NKAIN2: variants seen among roughly 807,000 people sequenced by gnomAD.
The protein encoded by NKAIN2 is sodium/potassium transporting ATPase interacting 2.
Under a neutral mutation model 32.6 loss-of-function variants are expected in NKAIN2, and 14 were observed. That is an observed-to-expected ratio of 0.43 (90% CI 0.28 to 0.67). The LOEUF (loss-of-function observed/expected upper bound fraction) is 0.67, where lower values mean the gene tolerates loss of function less well. NKAIN2 is among the 30% of genes least tolerant of loss of function. The pLI is 0.17. For synonymous variants in NKAIN2, 80 were observed against 87.2 expected (o/e 0.92, Z 0.46); for missense variants, 198 against 258.3 (o/e 0.77, Z 1.60).
At chr6:123,873,698 AG>A (rs775111397) in intron 1 of NKAIN2, among the ~76,000 whole-genome samples, 8 of 152,188 alleles carry the variant, frequency 5.3e-5, no homozygotes, top group Non-Finnish European at 1.2e-4. Flanking sequence ...AGAATAGATA[AG>A]GGACTGAGGA....
At chr6:124,811,330 G>T (rs1197551414) in intron 5 of NKAIN2, among the ~76,000 whole-genome samples, 2 of 152,108 alleles carry the variant, frequency 1.3e-5, no homozygotes, top group Non-Finnish European at 2.9e-5. Context: ...TTGACTAGTG[G>T]CTTTGTCATT....
chr6:124,775,256 G>A (rs1334959282), intron 4 of NKAIN2, among the ~76,000 whole-genome samples: 1 of 152,200 alleles, frequency 6.6e-6, no homozygotes, highest in African/African-American at 2.4e-5. Flanking sequence ...GTGGAACTCA[G>A]AAGTGAGTTT....
intron 1 of NKAIN2, among the ~76,000 whole-genome samples, chr6:124,097,524 T>A (rs1220434286): frequency 6.6e-6 from 1 of 152,242 alleles, no homozygotes; most frequent in Non-Finnish European, 1.5e-5. Flanking sequence ...AAGAGTAGCC[T>A]GTCATTTTGC....
At chr6:124,358,018 A>T (rs1224718207) in intron 3 of NKAIN2, among the ~76,000 whole-genome samples, 1 of 152,156 alleles carries the variant, frequency 6.6e-6, no homozygotes, top group Non-Finnish European at 1.5e-5. Context: ...GAGTGAGAAC[A>T]TGCGGTGTTT....
intron 1 of NKAIN2, among the ~76,000 whole-genome samples, chr6:124,231,460 G>A (rs1437437148): frequency 1.3e-5 from 2 of 152,096 alleles, no homozygotes; most frequent in African/African-American, 2.4e-5. Flanking sequence ...GACCTGGGGT[G>A]GAATTATATG....
At chr6:124,005,762 T>C (rs1221698381) in intron 1 of NKAIN2, among the ~76,000 whole-genome samples, 1 of 152,226 alleles carries the variant, frequency 6.6e-6, no homozygotes, top group East Asian at 1.9e-4. Flanking sequence ...CTGGTATGGT[T>C]ATATCAGGGT....
At chr6:123,906,283 C>A (rs1002359694) in intron 1 of NKAIN2, among the ~76,000 whole-genome samples, 53 of 145,722 alleles carry the variant, frequency 3.6e-4, no homozygotes, top group African/African-American at 1.3e-3. Context: ...TCTTCTTCTA[C>A]TTTTTTTTTT....
At chr6:124,729,945 A>G (rs28799915) in intron 4 of NKAIN2, among the ~76,000 whole-genome samples, 1 of 146,622 alleles carries the variant, frequency 6.8e-6, no homozygotes, top group Non-Finnish European at 1.5e-5. Context: ...ATCATGAGTG[A>G]ACTCCCATTC....
In NKAIN2 at chr6:124,169,538, CA is replaced by C; in HGVS notation, c.55-113462del. ...GTTTCTCAAATTAAATTAATTTAGG[CA>C]AAAAGATAAGTTCACTGACTTACAG... is the stretch of plus-strand genomic sequence containing the variant. On this transcript the variant is annotated intron_variant, in intron 1 of 6. Coordinates refer to ENST00000368417, the MANE Select transcript of NKAIN2 (RefSeq NM_001040214.3). 2.0e-5 allele frequency among the ~76,000 whole-genome samples: 3 copies of C among 152,154 alleles called. No homozygotes were observed. In the South Asian group the frequency reaches 6.2e-4, roughly 32 times the overall value.
At chr6:124,303,074 G>T (rs1387820839) in intron 2 of NKAIN2, among the ~76,000 whole-genome samples, 3 of 152,282 alleles carry the variant, frequency 2.0e-5, no homozygotes, top group Admixed American at 1.3e-4. Flanking sequence ...GTATGTATGT[G>T]CATCTTTCAG....
intron 1 of NKAIN2, among the ~76,000 whole-genome samples, chr6:123,829,477 T>G (rs1774286137): frequency 6.6e-6 from 1 of 152,138 alleles, no homozygotes; most frequent in Admixed American, 6.6e-5. Flanking sequence ...TGATTCAGGG[T>G]TTCTAGTCAG....
At chr6:123,987,191 C>G (rs940256632) in intron 1 of NKAIN2, among the ~76,000 whole-genome samples, 1 of 152,036 alleles carries the variant, frequency 6.6e-6, no homozygotes, top group Non-Finnish European at 1.5e-5. Context: ...TCTTTCATAT[C>G]TAATTTGAGT....
intron 3 of NKAIN2, among the ~76,000 whole-genome samples, chr6:124,564,160 C>T (rs1780810077): frequency 6.6e-6 from 1 of 152,106 alleles, no homozygotes; most frequent in African/African-American, 2.4e-5. Flanking sequence ...ACTTGGAGAA[C>T]TTTTCTGTCT....
At chr6:124,362,177 G>T (rs1206628461) in intron 3 of NKAIN2, among the ~76,000 whole-genome samples, 1 of 151,720 alleles carries the variant, frequency 6.6e-6, no homozygotes, top group African/African-American at 2.4e-5. Flanking sequence ...TTTAAATTTT[G>T]ATTTTCTTAC....
rs191383948 is a variant in NKAIN2, at chr6:123,879,245, G to A, written c.54+74991G>A. On this transcript the variant is annotated intron_variant, in intron 1 of 6. Coordinates refer to ENST00000368417, the MANE Select transcript of NKAIN2 (RefSeq NM_001040214.3). ...GGAACTTGATATAAATAACCCAAAT[G>A]CTTTTTGTGAATATGCTTCATGTCT... 2.0e-5 allele frequency among the ~76,000 whole-genome samples: 3 copies of A among 152,232 alleles called. No individual in the cohort carries two copies. In the East Asian group the frequency reaches 5.8e-4, roughly 29 times the overall value.
At chr6:123,846,836 G>GCA (rs1318562728) in intron 1 of NKAIN2, among the ~76,000 whole-genome samples, 3 of 70,956 alleles carry the variant, frequency 4.2e-5, no homozygotes, top group African/African-American at 8.0e-5. Context: ...CCACACACAC[G>GCA]CACGCGCGCA....
At chr6:123,932,770 CT>C (rs5879707) in intron 1 of NKAIN2, among the ~76,000 whole-genome samples, 47 of 138,672 alleles carry the variant, frequency 3.4e-4, no homozygotes, top group Non-Finnish European at 4.2e-4. Flanking sequence ...CGTTTGGGGA[CT>C]TTTTTTTTTT....
intron 2 of NKAIN2, among the ~76,000 whole-genome samples, chr6:124,343,816 G>T (rs1195069737): frequency 6.8e-6 from 1 of 148,132 alleles, no homozygotes; most frequent in South Asian, 2.3e-4. Context: ...CTTTTGCTGT[G>T]CAGAAGCTCT....
intron 1 of NKAIN2, among the ~76,000 whole-genome samples, chr6:124,200,418 G>A (rs181936535): frequency 7.7e-4 from 117 of 152,162 alleles, no homozygotes; most frequent in Non-Finnish European, 1.5e-3. Flanking sequence ...TGTTTTGTTC[G>A]CTGTGAGTCC....
Sources: gnomAD v4.1 joint callset for allele counts (sites outside exome capture counted in the v4.1 genomes callset) on GRCh38, gnomAD v4.1.1 for gene constraint, MANE v1.5 for transcripts, NCBI Gene and HGNC (gene_info 2026-07-23, HGNC 2026-07-21) for gene names.